KCNA6: variants seen among roughly 807,000 people sequenced by gnomAD.
The protein encoded by KCNA6 is potassium voltage-gated channel subfamily A member 6.
KCNA6 carries 17 observed loss-of-function variants against 29.5 expected under a neutral mutation model. The ratio of observed to expected loss-of-function variants is 0.58; its 90% confidence interval spans 0.39 to 0.86. KCNA6 has a LOEUF of 0.86. KCNA6 is among the 40% of genes least tolerant of loss of function. The probability of loss-of-function intolerance (pLI) is 0.00; values close to 1 mark genes in which losing one functional copy is unlikely to be tolerated. For missense variants in KCNA6, 450 were observed against 703.4 expected (o/e 0.64, Z 4.07); for synonymous variants, 296 against 304.7 (o/e 0.97, Z 0.30).
the KCNA6 span, among the ~76,000 whole-genome samples, chr12:4,849,154 T>A: frequency 2.8e-3 from 425 of 151,740 alleles, no homozygotes; most frequent in Non-Finnish European, 4.5e-3. Context: ...TAAAATAAAA[T>A]AAAAAATTAC....
the KCNA6 span, among the ~76,000 whole-genome samples, chr12:4,827,027 TCTCCTCC>T: frequency 1.3e-5 from 2 of 151,340 alleles, no homozygotes; most frequent in Admixed American, 6.6e-5. Context: ...CCTTTCCTCC[TCTCCTCC>T]CTCCTCCCTC....
the KCNA6 span, among the ~76,000 whole-genome samples, chr12:4,836,530 G>A: frequency 3.9e-5 from 6 of 152,270 alleles, no homozygotes; most frequent in East Asian, 1.2e-3. Flanking sequence ...AAGGTATGGG[G>A]GTCAAGAATA....
At chr12:4,828,940 G>A in the KCNA6 span, among the ~76,000 whole-genome samples, 3 of 152,214 alleles carry the variant, frequency 2.0e-5, no homozygotes, top group Non-Finnish European at 4.4e-5. Flanking sequence ...GAGTTCACCG[G>A]CTCCTGTCAT....
the KCNA6 span, among the ~76,000 whole-genome samples, chr12:4,840,361 G>A: frequency 6.6e-6 from 1 of 152,112 alleles, no homozygotes. Context: ...AGGCATGCAC[G>A]TGGTCAATAA....
downstream of KCNA6, among the ~76,000 whole-genome samples, chr12:4,818,266 T>C (rs1946700293): frequency 6.6e-6 from 1 of 152,220 alleles, no homozygotes; most frequent in Non-Finnish European, 1.5e-5. Context: ...TGCTATTCAT[T>C]TACAGAACAT....
the KCNA6 span, among the ~76,000 whole-genome samples, chr12:4,819,691 C>A: frequency 6.6e-6 from 1 of 152,246 alleles, no homozygotes; most frequent in South Asian, 2.1e-4. Flanking sequence ...ACTACGGCTT[C>A]TTAACAAAGG....
the KCNA6 span, among the ~76,000 whole-genome samples, chr12:4,835,101 G>T: frequency 6.6e-6 from 1 of 151,598 alleles, no homozygotes; most frequent in Non-Finnish European, 1.5e-5. Flanking sequence ...AATGCAAACT[G>T]AGTACTCCCA....
Position 4,811,225 on chromosome 12 carries a change from A to G in KCNA6, c.1184A>G (p.Tyr395Cys). The change falls in exon 1 of 1, where the codon TAC (tyrosine) becomes TGC (cysteine). Residue 395 changes from tyrosine (Y) to cysteine (C), a missense_variant. Physicochemically the swap from Tyr to Cys is radical, Grantham distance 194. This residue lies in a region of KCNA6 where 57 missense variants were observed against 140.3 expected (regional missense o/e 0.41). Coordinates refer to ENST00000280684, the Ensembl canonical transcript of KCNA6. The surrounding 1 kb of genome is among the most constrained non-coding windows in gnomAD (Gnocchi z 7.1). ...GTCATCCTCTTCTCCAGTGCCGTCT[A>G]CTTCGCAGAGGCTGACGATGACGAT... is the stretch of plus-strand genomic sequence containing the variant. 1 of 1,614,214 alleles carries G rather than the reference A, an allele frequency of 6.2e-7. No individual in the cohort carries two copies. The highest frequency in any genetic ancestry group is 8.5e-7 in the Non-Finnish European group (1 of 1,180,028).
the KCNA6 span, among the ~76,000 whole-genome samples, chr12:4,828,021 G>A: frequency 1.5e-4 from 23 of 152,208 alleles, no homozygotes; most frequent in African/African-American, 5.5e-4. Context: ...AAGTATAAGG[G>A]AGAAAATAAA....
chr12:4,835,134 A>ATTTTT, the KCNA6 span, among the ~76,000 whole-genome samples: 3 of 136,314 alleles, frequency 2.2e-5, no homozygotes, highest in African/African-American at 8.4e-5. Flanking sequence ...ACAGAGAATG[A>ATTTTT]TTTTTTTTTT....
At chr12:4,821,020 C>G in the KCNA6 span, among the ~76,000 whole-genome samples, 111 of 152,328 alleles carry the variant, frequency 7.3e-4, 1 homozygote, top group African/African-American at 2.6e-3. Context: ...AGAAGGCCAG[C>G]ATCTTACCCA....
the KCNA6 span, among the ~76,000 whole-genome samples, chr12:4,847,006 G>T: frequency 1.3e-5 from 2 of 150,394 alleles, no homozygotes; most frequent in African/African-American, 4.9e-5. Context: ...GGATGGTCTC[G>T]ATCTCCTAAC....
the KCNA6 span, among the ~76,000 whole-genome samples, chr12:4,839,688 A>T: frequency 6.6e-6 from 1 of 152,076 alleles, no homozygotes; most frequent in Non-Finnish European, 1.5e-5. Context: ...AAACATAAAA[A>T]GTGCCCATTG....
the KCNA6 span, among the ~76,000 whole-genome samples, chr12:4,835,979 G>T: frequency 3.8e-5 from 5 of 130,242 alleles, no homozygotes; most frequent in Admixed American, 9.1e-5. Flanking sequence ...CGCTCTTGTT[G>T]CCCAGGCTGG....
the KCNA6 span, among the ~76,000 whole-genome samples, chr12:4,827,684 C>T: frequency 6.6e-6 from 1 of 152,210 alleles, no homozygotes; most frequent in East Asian, 1.9e-4. Flanking sequence ...CTCACTGTGC[C>T]GCAAAGTGGC....
chr12:4,845,989 T>G, the KCNA6 span, among the ~76,000 whole-genome samples: 1 of 151,186 alleles, frequency 6.6e-6, no homozygotes, highest in African/African-American at 2.4e-5. Flanking sequence ...TTAGAGTTTT[T>G]TTTTTTTTTT....
the KCNA6 span, among the ~76,000 whole-genome samples, chr12:4,850,576 C>A: frequency 6.6e-6 from 1 of 152,102 alleles, no homozygotes; most frequent in Non-Finnish European, 1.5e-5. This position sits in a 1 kb window ranked among gnomAD's most constrained non-coding sequence, Gnocchi z 5.4. Flanking sequence ...TTTGAACAGA[C>A]CAGAGCACCT....
At position 4,811,719 on chromosome 12, in the gene KCNA6, A is replaced by C. The variant is rs1262114024; in HGVS notation, c.*88A>C. On this transcript the variant is annotated 3_prime_UTR_variant, in exon 1 of 1. Transcript: ENST00000280684. This position sits in a 1 kb window ranked among gnomAD's most constrained non-coding sequence, Gnocchi z 7.1. ...CATTTCCACTACTCACTCTAGCTTC[A>C]GTTGACTTCTTGACTCTCTCCCCTA... 3.4e-6 allele frequency: 5 copies of C among 1,470,502 alleles called. No individual in the cohort carries two copies. Among genetic ancestry groups the C allele is most frequent in the Non-Finnish European group, 3.7e-6 (4 of 1,084,672 alleles). 91.1% of individuals were successfully genotyped at this position (1,470,502 alleles called of 1,614,324 possible).
chr12:4,846,081 A>G, the KCNA6 span, among the ~76,000 whole-genome samples: 6 of 150,638 alleles, frequency 4.0e-5, no homozygotes, highest in Admixed American at 1.3e-4. Flanking sequence ...TTTCATATAC[A>G]CTTTGTACAC....
Sources: allele counts gnomAD v4.1 joint callset (sites outside exome capture counted in the v4.1 genomes callset), GRCh38; gene constraint gnomAD v4.1.1; regional missense constraint gnomAD v4.1.1; non-coding constraint Gnocchi (gnomAD v3.1); transcripts MANE v1.5; gene names NCBI Gene and HGNC (gene_info 2026-07-23, HGNC 2026-07-21).